The following FBXO22 variants were observed in gnomAD, a reference collection of about 807,000 sequenced individuals.
FBXO22 encodes the protein F-box protein 22.
A neutral mutation model predicts 37.2 loss-of-function variants in FBXO22; 13 were observed. The ratio of observed to expected loss-of-function variants is 0.35; its 90% CI spans 0.23 to 0.56. The LOEUF (loss-of-function observed/expected upper bound fraction) is 0.56, where lower values mean the gene tolerates loss of function less well. Among genes scored for constraint, FBXO22 ranks in the 20% least tolerant of loss-of-function variants. The pLI, the probability that FBXO22 is intolerant of heterozygous loss-of-function variation, is 0.87. For synonymous variants in FBXO22, 189 were observed against 189.1 expected (o/e 1.00, Z 0.00); for missense variants, 446 against 509.9 (o/e 0.87, Z 1.21).
In FBXO22 at chr15:75,941,227, T is replaced by C. The variant is rs1158499276; in HGVS notation, c.*8125T>C. 2 of 152,054 alleles carry C rather than the reference T, an allele frequency of 1.3e-5. No individual in the cohort carries two copies. The highest frequency in any genetic ancestry group is 4.8e-5 in the African/African-American group (2 of 41,402). The allele number at this position is 152,054 out of a possible 1,614,324, so 9.4% of individuals were successfully genotyped here. The stretch of plus-strand genomic sequence containing the variant: ...AAGGAAATGCAAATCAAAACCACAT[T>C]GAGATACCACTTCATACCCACTGGG... On this transcript the variant is annotated 3_prime_UTR_variant, in exon 7 of 7. Transcript: ENST00000308275.
intron 5 of FBXO22, among the ~76,000 whole-genome samples, chr15:75,923,458 C>T (rs1446924899): frequency 2.0e-5 from 3 of 152,174 alleles, no homozygotes; most frequent in African/African-American, 7.2e-5. Flanking sequence ...CACTTGCTAT[C>T]TTGTGTCCTA....
intron 5 of FBXO22, among the ~76,000 whole-genome samples, chr15:75,921,626 A>C (rs767005225): frequency 1.5e-4 from 8 of 54,946 alleles, no homozygotes; most frequent in Non-Finnish European, 3.3e-4. Context: ...ACACCACTGC[A>C]CTCCAGCCTG....
chr15:75,907,813 CA>C (rs1899962512), intron 2 of FBXO22, among the ~76,000 whole-genome samples: 1 of 151,942 alleles, frequency 6.6e-6, no homozygotes, highest in South Asian at 2.1e-4. Context: ...CATGTTAGTG[CA>C]AACCTATAAT....
rs915536374 is a variant in FBXO22, at chr15:75,934,745, C to A, written c.*1643C>A. 1.3e-5 allele frequency: 2 copies of A among 152,054 alleles called. No homozygotes were observed. The highest frequency in any genetic ancestry group is 4.8e-5 in the African/African-American group (2 of 41,410). The allele number at this position is 152,054 out of a possible 1,614,324, so 9.4% of individuals were successfully genotyped here. Reference sequence around the variant, plus strand: ...ATCAAAATACCTCAAAATTTTAGTCCTTGAATGTGCTCATATAGCCCATAA... The same window carrying A: ...ATCAAAATACCTCAAAATTTTAGTCATTGAATGTGCTCATATAGCCCATAA... On this transcript the variant is annotated 3_prime_UTR_variant, in exon 7 of 7. Coordinates refer to ENST00000308275, the MANE Select transcript of FBXO22 (RefSeq NM_147188.3).
intron 6 of FBXO22, among the ~76,000 whole-genome samples, chr15:75,931,299 C>T (rs962852399): frequency 1.3e-5 from 2 of 152,114 alleles, no homozygotes; most frequent in Non-Finnish European, 2.9e-5. Context: ...CATTACTCTT[C>T]ACATGACCCA....
At chr15:75,916,204 A>T (rs963621953) in intron 4 of FBXO22, among the ~76,000 whole-genome samples, 1 of 152,028 alleles carries the variant, frequency 6.6e-6, no homozygotes, top group African/African-American at 2.4e-5. Flanking sequence ...ACCTCTATTT[A>T]TATATGTATG....
intron 2 of FBXO22, among the ~76,000 whole-genome samples, 159 bp downstream of exon 2, chr15:75,904,788 G>T (rs1480143567): frequency 6.7e-6 from 1 of 150,174 alleles, no homozygotes; most frequent in Non-Finnish European, 1.5e-5. Flanking sequence ...CGGTAAGGAT[G>T]TGTCATGATT....
At chr15:75,916,121 A>G (rs1261294758) in intron 4 of FBXO22, among the ~76,000 whole-genome samples, 1 of 152,002 alleles carries the variant, frequency 6.6e-6, no homozygotes. Flanking sequence ...ATTTTTAGAA[A>G]AAAAAAATTA....
rs1243467170 is a variant in FBXO22, at chr15:75,904,038, C to T, written c.75C>T (p.Asn25=). The T allele has an allele frequency of 6.4e-7, 1 of 1,568,978 alleles. No homozygotes were observed. The highest frequency in any genetic ancestry group is 1.2e-5 in the South Asian group (1 of 85,440). Reference sequence around the variant, plus strand: ...CGCGGAGCACCTTCGTGTTGAGTAACCTGGCGGAGGTGGTGGAGCGTGTGC... The same window carrying T: ...CGCGGAGCACCTTCGTGTTGAGTAATCTGGCGGAGGTGGTGGAGCGTGTGC... The part of the protein sequence containing the change: ...VDPRSTFVLS[N]LAEVVERVLT... Residue 25 remains asparagine, a synonymous_variant, in exon 1 of 7, where the codon AAC becomes AAT. Coordinates refer to ENST00000308275, the MANE Select transcript of FBXO22 (RefSeq NM_147188.3).
Position 75,941,972 on chromosome 15 carries a change from C to CTTTT in FBXO22, c.*8883_*8886dup, listed in dbSNP as rs773623772. On this transcript the variant is annotated 3_prime_UTR_variant, in exon 7 of 7. Coordinates refer to ENST00000308275, the MANE Select transcript of FBXO22 (RefSeq NM_147188.3). ...AAAAAAAAAAAAAAATATGGCCTAG[C>CTTTT]TTTTTTTTTTTTTTTTAAAAAGGGC... 198 of 107,534 alleles carry CTTTT rather than the reference C, an allele frequency of 1.8e-3. 1 individual carries two copies. The highest frequency in any genetic ancestry group is 6.5e-3 in the African/African-American group (190 of 29,180). The allele number at this position is 107,534 out of a possible 1,614,324, so 6.7% of individuals were successfully genotyped here.
rs2030411376 is a variant in FBXO22 at position 75,936,994 on chromosome 15, G to GTTGCTT, written c.*3895_*3900dup. ...ATTGAAAGAAAATATATTTATTAAT[G>GTTGCTT]TTGCTTTTAAATGCAAATTATCAGA... On this transcript the variant is annotated 3_prime_UTR_variant, in exon 7 of 7. Transcript: ENST00000308275. 6.6e-6 allele frequency: 1 copy of GTTGCTT among 152,136 alleles called. No homozygotes were observed. Among genetic ancestry groups the GTTGCTT allele is most frequent in the African/African-American group, 2.4e-5 (1 of 41,420 alleles). 9.4% of individuals were successfully genotyped at this position (152,136 alleles called of 1,614,324 possible). A position where few individuals can be genotyped will look rare whatever the true frequency, so the allele number is the denominator to read the frequency against.
At chr15:75,923,290 A>G (rs960844481) in intron 5 of FBXO22, among the ~76,000 whole-genome samples, 5 of 152,254 alleles carry the variant, frequency 3.3e-5, no homozygotes, top group African/African-American at 1.2e-4. Context: ...GAAAACTGGA[A>G]GGAAAAACAA....
chr15:75,941,235 C>A lies in FBXO22; in HGVS notation c.*8133C>A, dbSNP rs1245296559. The A allele has an allele frequency of 6.6e-6, 1 of 152,030 alleles. No homozygotes were observed. The highest frequency in any genetic ancestry group is 1.5e-5 in the Non-Finnish European group (1 of 67,964). The allele number at this position is 152,030 out of a possible 1,614,324, so 9.4% of individuals were successfully genotyped here. On this transcript the variant is annotated 3_prime_UTR_variant, in exon 7 of 7. Coordinates refer to ENST00000308275, the MANE Select transcript of FBXO22 (RefSeq NM_147188.3). ...GCAAATCAAAACCACATTGAGATAC[C>A]ACTTCATACCCACTGGGATAGCTCT...
At chr15:75,907,810 G>C (rs1379369018) in intron 2 of FBXO22, among the ~76,000 whole-genome samples, 1 of 152,002 alleles carries the variant, frequency 6.6e-6, no homozygotes, top group Non-Finnish European at 1.5e-5. Flanking sequence ...GGGCATGTTA[G>C]TGCAAACCTA....
intron 2 of FBXO22, among the ~76,000 whole-genome samples, chr15:75,908,421 T>C (rs335707): frequency 0.98 from 148,880 of 152,154 alleles, 72,920 homozygotes; most frequent in East Asian, 1. Context: ...TACAGGCGCA[T>C]GCAGCCATAC....
At chr15:75,919,347 T>C (rs1900268988) in intron 5 of FBXO22, among the ~76,000 whole-genome samples, 1 of 152,202 alleles carries the variant, frequency 6.6e-6, no homozygotes, top group Non-Finnish European at 1.5e-5. Context: ...AACTGTGAGA[T>C]AATGCATATG....
chr15:75,928,493 A>G (rs981462821), intron 5 of FBXO22, among the ~76,000 whole-genome samples: 1 of 152,156 alleles, frequency 6.6e-6, no homozygotes, highest in Non-Finnish European at 1.5e-5. Context: ...CAGAAAACCA[A>G]ATACTGCATG....
chr15:75,914,148 G>C lies in FBXO22; in HGVS notation c.406G>C (p.Glu136Gln). 1.2e-6 allele frequency: 2 copies of C among 1,613,866 alleles called. No individual in the cohort carries two copies. Among genetic ancestry groups the C allele is most frequent in the Non-Finnish European group, 1.7e-6 (2 of 1,179,904 alleles). ...TAGTATGGAAACAGCACTTGCCCTT[G>C]AGAAGCTATTCCCCAAACAATGCCA... ...RTSMETALAL[E>Q]KLFPKQCQVL... is the part of the protein sequence containing the mutation. Residue 136 changes from glutamate to glutamine, a missense_variant, in exon 4 of 7, where the codon GAG (glutamate) becomes CAG (glutamine). Transcript: ENST00000308275.
chr15:75,912,568 T>C (rs1291283903), intron 2 of FBXO22, among the ~76,000 whole-genome samples: 3 of 152,242 alleles, frequency 2.0e-5, no homozygotes, highest in African/African-American at 7.2e-5. Context: ...GAGGTGTTTA[T>C]GGTATTCTCT....
Sources: allele counts gnomAD v4.1 joint callset (sites outside exome capture counted in the v4.1 genomes callset), GRCh38; gene constraint gnomAD v4.1.1; transcripts MANE v1.5; gene names NCBI Gene and HGNC (gene_info 2026-07-23, HGNC 2026-07-21).